The following SPTBN1 variants were observed in gnomAD, a reference collection of about 807,000 sequenced individuals.
SPTBN1 encodes the protein spectrin beta, non-erythrocytic 1.
In SPTBN1, 32 loss-of-function variants were observed where a neutral mutation model predicts 266.4. That is an observed-to-expected ratio of 0.12 (90% CI 0.09 to 0.16). The LOEUF is 0.16. SPTBN1 is among the 10% of genes least tolerant of loss of function. The probability of loss-of-function intolerance (pLI) is 1.00; values close to 1 mark genes in which losing one functional copy is unlikely to be tolerated. For missense variants in SPTBN1, 2,296 were observed against 3,067.1 expected (o/e 0.75, Z 5.94); for synonymous variants, 1,336 against 1,162.2 (o/e 1.15, Z -3.04).
At chr2:54,470,260 G>T (rs1352304488) in intron 1 of SPTBN1, among the ~76,000 whole-genome samples, 1 of 152,040 alleles carries the variant, frequency 6.6e-6, no homozygotes, top group South Asian at 2.1e-4. Flanking sequence ...ATTTTTTCCG[G>T]CTGTGAAGAA....
chr2:54,568,057 C>A (rs916442546), intron 2 of SPTBN1, among the ~76,000 whole-genome samples: 3 of 152,080 alleles, frequency 2.0e-5, no homozygotes, highest in African/African-American at 7.2e-5. Context: ...TTTAAAAATC[C>A]CCAAGTGCTT....
chr2:54,668,313 C>T (rs764838878), intron 35 of SPTBN1, 38 bp from the exon 36 acceptor site: 5 of 1,604,516 alleles, frequency 3.1e-6, no homozygotes, highest in Admixed American at 1.7e-5. Flanking sequence ...CATGCCTACT[C>T]TTAGTTGAGT....
intron 7 of SPTBN1, among the ~76,000 whole-genome samples, chr2:54,619,936 GATAGGA>G (rs1677883731): frequency 6.6e-6 from 1 of 152,320 alleles, no homozygotes; most frequent in Admixed American, 6.5e-5. Context: ...CAGGGGCGGC[GATAGGA>G]ATGGGGGTGT....
chr2:54,543,997 T>A (rs949327487), intron 2 of SPTBN1, among the ~76,000 whole-genome samples: 2 of 152,308 alleles, frequency 1.3e-5, no homozygotes, highest in Admixed American at 1.3e-4. Flanking sequence ...TATAAGGGGA[T>A]AATAAAGAAG....
chr2:54,459,392 C>T (rs1693239518), intron 1 of SPTBN1, among the ~76,000 whole-genome samples: 1 of 152,148 alleles, frequency 6.6e-6, no homozygotes, highest in South Asian at 2.1e-4. Flanking sequence ...TTGGCATTGG[C>T]AGAGTTTCCT....
intron 2 of SPTBN1, among the ~76,000 whole-genome samples, chr2:54,576,483 C>G (rs1033325241): frequency 6.6e-5 from 10 of 152,056 alleles, no homozygotes; most frequent in African/African-American, 2.4e-4. Context: ...TTACTCTATA[C>G]TTTGAAGAAG....
At chr2:54,588,200 C>T (rs1377368806) in intron 2 of SPTBN1, among the ~76,000 whole-genome samples, 2 of 152,202 alleles carry the variant, frequency 1.3e-5, no homozygotes, top group Non-Finnish European at 2.9e-5. Flanking sequence ...CCTTCCTCTT[C>T]CTCCTCCTTT....
chr2:54,538,308 C>T (rs1276999862), intron 2 of SPTBN1, among the ~76,000 whole-genome samples: 1 of 152,142 alleles, frequency 6.6e-6, no homozygotes, highest in Admixed American at 6.5e-5. Context: ...CAGTCTATCC[C>T]AAGCTTGCAT....
At chr2:54,616,652 G>A (rs371665313) in intron 5 of SPTBN1, among the ~76,000 whole-genome samples, 5 of 152,158 alleles carry the variant, frequency 3.3e-5, no homozygotes, top group African/African-American at 9.7e-5. Flanking sequence ...CTGTTTTGGG[G>A]AGCTTTCTTT....
chr2:54,468,193 G>A (rs938561854), intron 1 of SPTBN1, among the ~76,000 whole-genome samples: 1 of 152,134 alleles, frequency 6.6e-6, no homozygotes, highest in Non-Finnish European at 1.5e-5. Flanking sequence ...TCTAGTCCCA[G>A]CTACTTGGGA....
intron 2 of SPTBN1, among the ~76,000 whole-genome samples, chr2:54,569,855 G>C (rs1468759372): frequency 6.6e-6 from 1 of 152,162 alleles, no homozygotes; most frequent in African/African-American, 2.4e-5. Flanking sequence ...GGTGAGCCTT[G>C]TAAACTTGAG....
At chr2:54,621,578 A>G (rs1186972174) in intron 8 of SPTBN1, 66 bp downstream of exon 8, 6 of 1,344,814 alleles carry the variant, frequency 4.5e-6, no homozygotes, top group African/African-American at 1.4e-5. Context: ...TCATTCTCCC[A>G]TGCACTCATA....
At position 54,512,674 on chromosome 2, in the gene SPTBN1, A is replaced by G. The variant is rs1469671950; in HGVS notation, c.-47-13698A>G. On this transcript the variant is annotated intron_variant, in intron 1 of 35. Transcript: ENST00000356805. The stretch of plus-strand genomic sequence containing the variant: ...TAAATTTATAATTTTATAACTTACA[A>G]ATTTATAACCTTCTCTGAATAAATC... Among the ~76,000 whole-genome samples, 6 of 152,188 alleles carry G rather than the reference A, an allele frequency of 3.9e-5. No individual in the cohort carries two copies. In the East Asian group the frequency reaches 9.6e-4, roughly 24 times the overall value.
intron 2 of SPTBN1, among the ~76,000 whole-genome samples, chr2:54,595,390 A>C (rs937875310): frequency 1.3e-5 from 2 of 152,172 alleles, no homozygotes; most frequent in African/African-American, 4.8e-5. Context: ...CCACTTACCA[A>C]GTTTGGGGCA....
At chr2:54,510,347 C>T (rs1669790350) in intron 1 of SPTBN1, among the ~76,000 whole-genome samples, 1 of 152,178 alleles carries the variant, frequency 6.6e-6, no homozygotes, top group Admixed American at 6.5e-5. Context: ...GGCTCTGTCT[C>T]CGAATACAAT....
intron 1 of SPTBN1, among the ~76,000 whole-genome samples, chr2:54,459,893 A>AT (rs1372741383): frequency 6.6e-6 from 1 of 151,980 alleles, no homozygotes; most frequent in African/African-American, 2.4e-5. Context: ...TAGTACTCTG[A>AT]TTTTTCCGGT....
intron 2 of SPTBN1, among the ~76,000 whole-genome samples, chr2:54,542,678 T>A (rs961441675): frequency 1.3e-5 from 2 of 152,090 alleles, no homozygotes; most frequent in Non-Finnish European, 2.9e-5. Context: ...GTTGTGTTCT[T>A]CCAGGGAAGA....
Position 54,499,712 on chromosome 2 carries a change from C to G in SPTBN1, c.-47-26660C>G. Reference sequence around the variant, plus strand: ...ATAGAAGTAATATGGAAGGCATTTTCTGGTAGATAAAGCTTCAGAAACCTT... The same window carrying G: ...ATAGAAGTAATATGGAAGGCATTTTGTGGTAGATAAAGCTTCAGAAACCTT... On this transcript the variant is annotated intron_variant, in intron 1 of 35. Coordinates refer to ENST00000356805, the MANE Select transcript of SPTBN1 (RefSeq NM_003128.3). Among the ~76,000 whole-genome samples, 2 of 152,198 alleles carry G rather than the reference C, an allele frequency of 1.3e-5. 1 individual carries two copies. Among genetic ancestry groups the G allele is most frequent in the Non-Finnish European group, 2.9e-5 (2 of 68,034 alleles).
intron 18 of SPTBN1, among the ~76,000 whole-genome samples, chr2:54,641,274 CCT>C (rs1679531682): frequency 6.6e-6 from 1 of 151,504 alleles, no homozygotes; most frequent in African/African-American, 2.4e-5. Flanking sequence ...TGTTTATAAG[CCT>C]CTGATTTTTA....
Sources: allele counts gnomAD v4.1 joint callset (sites outside exome capture counted in the v4.1 genomes callset), GRCh38; gene constraint gnomAD v4.1.1; transcripts MANE v1.5; gene names NCBI Gene and HGNC (gene_info 2026-07-23, HGNC 2026-07-21).